The following NRDC variants were observed in gnomAD, a reference collection of about 807,000 sequenced individuals.
NRDC encodes nardilysin.
A neutral mutation model predicts 147.1 loss-of-function variants in NRDC; 54 were observed. The ratio of observed to expected loss-of-function variants is 0.37; its 90% CI spans 0.29 to 0.46. The LOEUF (loss-of-function observed/expected upper bound fraction) is 0.46, where lower values mean the gene tolerates loss of function less well. NRDC is among the 20% of genes least tolerant of loss of function. The probability of loss-of-function intolerance (pLI) is 1.00; values close to 1 mark genes in which losing one functional copy is unlikely to be tolerated. For synonymous variants in NRDC, 440 were observed against 482.1 expected (o/e 0.91, Z 1.14); for missense variants, 1,082 against 1,370.6 (o/e 0.79, Z 3.33).
chr1:51,877,451 A>G (rs1683387745), intron 1 of NRDC, among the ~76,000 whole-genome samples: 1 of 152,192 alleles, frequency 6.6e-6, no homozygotes, highest in African/African-American at 2.4e-5. Flanking sequence ...CCCTAAGCCC[A>G]GGAGTTTGAA....
At chr1:51,839,766 A>C (rs1681174111) in intron 2 of NRDC, among the ~76,000 whole-genome samples, 1 of 152,200 alleles carries the variant, frequency 6.6e-6, no homozygotes, top group Non-Finnish European at 1.5e-5. Context: ...CCCATACAAT[A>C]ACTCTTAGAG....
chr1:51,844,966 T>A (rs991476149), intron 1 of NRDC, among the ~76,000 whole-genome samples: 1 of 152,174 alleles, frequency 6.6e-6, no homozygotes, highest in South Asian at 2.1e-4. Context: ...TTTGATATTT[T>A]GTTATGGCAG....
intron 4 of NRDC, among the ~76,000 whole-genome samples, 161 bp downstream of exon 4, chr1:51,833,856 C>G (rs1056848685): frequency 7.9e-5 from 12 of 152,188 alleles, no homozygotes; most frequent in African/African-American, 2.7e-4. Flanking sequence ...TTTAAGCGAG[C>G]CTTCTACCTC....
intron 1 of NRDC, among the ~76,000 whole-genome samples, chr1:51,857,755 T>A (rs1241416103): frequency 6.6e-6 from 1 of 152,174 alleles, no homozygotes; most frequent in Non-Finnish European, 1.5e-5. Flanking sequence ...ATGTCCAGGA[T>A]CAGGCAGAAA....
chr1:51,790,589 T>C lies in NRDC; in HGVS notation c.3112A>G (p.Arg1038Gly). The stretch of plus-strand genomic sequence containing the variant: ...TGTGTAACCACTTCATTCCAGTTCC[T>C]ATCCACCTCCTCCCCAAGGTGGGTA... ...EDTHLGEEVD[R>G]NWNEVVTQQY... is the part of the protein sequence containing the mutation. The change falls in exon 29 of 31, where the codon AGG (arginine) becomes GGG (glycine). Residue 1038 changes from arginine (R) to glycine (G), a missense_variant. Coordinates refer to ENST00000352171, the MANE Select transcript of NRDC (RefSeq NM_001101662.2). The C allele has an allele frequency of 1.2e-6, 2 of 1,614,084 alleles. No individual in the cohort carries two copies. The highest frequency in any genetic ancestry group is 1.7e-6 in the Non-Finnish European group (2 of 1,179,940).
chr1:51,821,593 A>C, intron 7 of NRDC, 38 bp from the exon 8 acceptor site: 1 of 1,333,166 alleles, frequency 7.5e-7, no homozygotes, highest in Non-Finnish European at 1.1e-6. Context: ...AGGAAAATGC[A>C]ATGACATTAT....
chr1:51,865,865 C>T (rs1282117300), intron 1 of NRDC, among the ~76,000 whole-genome samples: 2 of 149,906 alleles, frequency 1.3e-5, no homozygotes, highest in Non-Finnish European at 3.0e-5. Context: ...TCCTGGCCAA[C>T]ATGGTGAGAC....
At chr1:51,860,038 C>T (rs1682452473) in intron 1 of NRDC, 2 of 202,000 alleles carry the variant, frequency 9.9e-6, no homozygotes, top group South Asian at 9.3e-5. Context: ...CCAGATTTGG[C>T]CGTGTCTTTT....
chr1:51,800,729 T>G, intron 20 of NRDC, 46 bp from the exon 21 acceptor site: 1 of 1,595,982 alleles, frequency 6.3e-7, no homozygotes, highest in Admixed American at 1.7e-5. Flanking sequence ...GGAAATCCAC[T>G]AGGTATTAGG....
At position 51,821,513 on chromosome 1, in the gene NRDC, G is replaced by A; in HGVS notation, c.1202C>T (p.Ser401Phe). ...AATATCTTACTTGTTTGGTATCTGA[G>A]AGAAGATTTCAGTCACCCACTTTTC... ...TLEKWVTEIFSQIPNNGLPRP... is the reference protein window; with the variant it reads ...TLEKWVTEIFFQIPNNGLPRP... Residue 401 changes from serine (S) to phenylalanine (F), a missense_variant, in exon 8 of 31, where the codon TCT becomes TTT. Transcript: ENST00000352171. 2 of 1,605,432 alleles carry A rather than the reference G, an allele frequency of 1.2e-6. No homozygotes were observed. Among genetic ancestry groups the A allele is most frequent in the Non-Finnish European group, 1.7e-6 (2 of 1,172,218 alleles).
chr1:51,797,921 C>T, intron 22 of NRDC: 1 of 208,304 alleles, frequency 4.8e-6, no homozygotes, highest in Non-Finnish European at 9.8e-6. Context: ...TAGGCATGTG[C>T]CACCATGCCT....
Position 51,829,057 on chromosome 1 carries a change from TTC to T in NRDC, c.867-1190_867-1189del, listed in dbSNP as rs568941783. Among the ~76,000 whole-genome samples the T allele has an allele frequency of 3.7e-4, 56 of 152,314 alleles. No homozygotes were observed. In the South Asian group the frequency reaches 5.2e-3, roughly 14 times the overall value. ...TATGATTAATGATGGGTTGGATAATTTCTGTTGACTTAAATAATGAAACTAAT... is the reference window on the plus strand; with the variant it reads ...TATGATTAATGATGGGTTGGATAATTTGTTGACTTAAATAATGAAACTAAT... On this transcript the variant is annotated intron_variant, in intron 4 of 30. Transcript: ENST00000352171.
chr1:51,799,958 ACTT>A (rs1478908475), intron 21 of NRDC, among the ~76,000 whole-genome samples: 1 of 152,064 alleles, frequency 6.6e-6, no homozygotes, highest in African/African-American at 2.4e-5. Flanking sequence ...ACCAGTAAAT[ACTT>A]CTTCTGGTTT....
In NRDC at chr1:51,814,019, AT is replaced by A; in HGVS notation, c.1674+15del. 1 of 1,562,234 alleles carries A rather than the reference AT, an allele frequency of 6.4e-7. No individual in the cohort carries two copies. Among genetic ancestry groups the A allele is most frequent in the Non-Finnish European group, 8.8e-7 (1 of 1,136,308 alleles). ...CAGTCACAGATAACATGCAAAAAGAATTTGACTTCCAGTACCTGTTCTTGGT... is the reference window on the plus strand; with the variant it reads ...CAGTCACAGATAACATGCAAAAAGAATTGACTTCCAGTACCTGTTCTTGGT... On this transcript the variant is annotated intron_variant, in intron 14 of 30. Transcript: ENST00000352171.
Position 51,789,303 on chromosome 1 carries a change from G to A in NRDC, c.3389C>T (p.Pro1130Leu), listed in dbSNP as rs1678438407. The A allele has an allele frequency of 1.2e-6, 2 of 1,614,136 alleles. No homozygotes were observed. The highest frequency in any genetic ancestry group is 1.7e-5 in the Admixed American group (1 of 60,012). Residue 1130 changes from proline (P) to leucine (L), a missense_variant, in exon 31 of 31, where the codon CCC (proline) becomes CTC (leucine). Pro to Leu is a moderately conservative substitution (Grantham distance 98, BLOSUM62 -3). Transcript: ENST00000352171. ...TSPLLADCII[P>L]ITDIRAFTTT... Reference sequence around the variant, plus strand: ...TGTGAAAGCCCTGATATCAGTAATGGGGATGATACAATCTGCCAGCAGAGG... The same window carrying A: ...TGTGAAAGCCCTGATATCAGTAATGAGGATGATACAATCTGCCAGCAGAGG...
At chr1:51,795,645 A>G (rs1320961814) in intron 22 of NRDC, 2 of 158,696 alleles carry the variant, frequency 1.3e-5, no homozygotes, top group African/African-American at 4.8e-5. Context: ...GTTCAGGGAG[A>G]GAATCTTGAA....
intron 1 of NRDC, among the ~76,000 whole-genome samples, chr1:51,861,298 A>C (rs956485335): frequency 1.6e-4 from 16 of 102,738 alleles, no homozygotes; most frequent in South Asian, 3.1e-4. Flanking sequence ...ACAGGGTCTC[A>C]CTCTGCCACA....
At chr1:51,866,476 T>G (rs1488634393) in intron 1 of NRDC, among the ~76,000 whole-genome samples, 5 of 152,056 alleles carry the variant, frequency 3.3e-5, no homozygotes, top group Non-Finnish European at 5.9e-5. Context: ...TATACAGTCC[T>G]CTGAAATGCT....
At chr1:51,826,518 T>C (rs1680452727) in intron 5 of NRDC, among the ~76,000 whole-genome samples, 1 of 152,220 alleles carries the variant, frequency 6.6e-6, no homozygotes, top group South Asian at 2.1e-4. Context: ...TAAAAAGGCA[T>C]TGGACATGCC....
Sources: allele counts gnomAD v4.1 joint callset (sites outside exome capture counted in the v4.1 genomes callset), GRCh38; gene constraint gnomAD v4.1.1; transcripts MANE v1.5; gene names NCBI Gene and HGNC (gene_info 2026-07-23, HGNC 2026-07-21).